The following RNF150 variants were observed in gnomAD, a reference collection of about 807,000 sequenced individuals.
RNF150 encodes the protein ring finger protein 150.
Under a neutral mutation model 39.3 loss-of-function variants are expected in RNF150, and 24 were observed. That is an observed-to-expected ratio of 0.61 (90% CI 0.44 to 0.86). RNF150 has a LOEUF of 0.86. Among genes scored for constraint, RNF150 ranks in the 40% least tolerant of loss-of-function variants. The probability of loss-of-function intolerance (pLI) is 0.00; values close to 1 mark genes in which losing one functional copy is unlikely to be tolerated. For missense variants in RNF150, 502 were observed against 587.8 expected, an observed-to-expected ratio of 0.85 and a Z score of 1.51; for synonymous variants, 255 against 227.3, an observed-to-expected ratio of 1.12 and a Z score of -1.10.
intron 1 of RNF150, among the ~76,000 whole-genome samples, chr4:141,159,811 T>C (rs1727480089): frequency 6.6e-6 from 1 of 152,196 alleles, no homozygotes; most frequent in Admixed American, 6.5e-5. Flanking sequence ...CCCAAAGTGT[T>C]GGGATTACAG....
chr4:140,938,435 G>A lies in RNF150; in HGVS notation c.890+9219C>T, dbSNP rs1731945719. Among the ~76,000 whole-genome samples, 4 of 152,114 alleles carry A rather than the reference G, an allele frequency of 2.6e-5. No homozygotes were observed. The South Asian group carries it at 6.2e-4, about 24-fold the overall frequency. ...AGAGTCCAACTTTGATTTTGCCTCGGTTGTCATTAAGGATCCAAGATATGA... is the reference window on the plus strand; with the variant it reads ...AGAGTCCAACTTTGATTTTGCCTCGATTGTCATTAAGGATCCAAGATATGA... On this transcript the variant is annotated intron_variant, in intron 4 of 6. Transcript: ENST00000515673.
chr4:141,206,737 A>C (rs1205603671), intron 1 of RNF150, among the ~76,000 whole-genome samples: 1 of 151,754 alleles, frequency 6.6e-6, no homozygotes, highest in Non-Finnish European at 1.5e-5. Flanking sequence ...TATGAAAGTG[A>C]GTTTATTTGG....
intron 5 of RNF150, among the ~76,000 whole-genome samples, chr4:140,919,687 C>T (rs72615905): frequency 0.98 from 148,319 of 150,620 alleles, 73,078 homozygotes; most frequent in East Asian, 1. Context: ...AAAAAACTAC[C>T]TTAAAGTTCA....
intron 5 of RNF150, 140 bp downstream of exon 5, chr4:140,925,837 C>A: frequency 3.1e-6 from 2 of 640,570 alleles, no homozygotes; most frequent in South Asian, 3.9e-5. Flanking sequence ...CATAGGAGTT[C>A]TCTTGGAGCC....
At chr4:140,907,358 T>A (rs900961683) in intron 6 of RNF150, among the ~76,000 whole-genome samples, 19 of 152,246 alleles carry the variant, frequency 1.2e-4, no homozygotes, top group Non-Finnish European at 2.8e-4. Context: ...ATCTTTCTTC[T>A]AATGTCAGAC....
chr4:141,118,182 A>G (rs899281605), intron 1 of RNF150, among the ~76,000 whole-genome samples: 1 of 152,066 alleles, frequency 6.6e-6, no homozygotes, highest in African/African-American at 2.4e-5. Flanking sequence ...ACTCATGAAT[A>G]CTGAGGCATG....
At chr4:141,124,972 C>T (rs372444978) in intron 1 of RNF150, among the ~76,000 whole-genome samples, 12 of 152,158 alleles carry the variant, frequency 7.9e-5, no homozygotes, top group South Asian at 6.2e-4. Flanking sequence ...CTCTGACAAA[C>T]GACACTTACT....
chr4:141,096,966 C>G (rs1425573620), intron 1 of RNF150, among the ~76,000 whole-genome samples: 1 of 152,202 alleles, frequency 6.6e-6, no homozygotes, highest in African/African-American at 2.4e-5. Context: ...TTATATGGGA[C>G]TTGATATTCT....
chr4:141,002,718 T>C (rs1017390160), intron 1 of RNF150, among the ~76,000 whole-genome samples: 4 of 152,166 alleles, frequency 2.6e-5, no homozygotes, highest in Non-Finnish European at 5.9e-5. Flanking sequence ...AAGCCAGATA[T>C]AGTGCAGAAG....
intron 1 of RNF150, among the ~76,000 whole-genome samples, chr4:141,185,664 G>GT (rs752388359): frequency 1.3e-5 from 2 of 152,112 alleles, no homozygotes; most frequent in Non-Finnish European, 2.9e-5. Context: ...TTGGCTGTGG[G>GT]TTTGTCATAA....
intron 1 of RNF150, among the ~76,000 whole-genome samples, chr4:140,973,292 C>A (rs1733533303): frequency 6.6e-6 from 1 of 152,160 alleles, no homozygotes. Context: ...TTTACTTTTA[C>A]TAAGAATTGA....
At chr4:141,185,338 A>C (rs1283676326) in intron 1 of RNF150, among the ~76,000 whole-genome samples, 2 of 152,020 alleles carry the variant, frequency 1.3e-5, no homozygotes, top group Non-Finnish European at 2.9e-5. Flanking sequence ...CTTGTCTATT[A>C]TTGGTTTATA....
At chr4:141,020,020 C>T (rs1050122837) in intron 1 of RNF150, among the ~76,000 whole-genome samples, 1 of 152,068 alleles carries the variant, frequency 6.6e-6, no homozygotes, top group African/African-American at 2.4e-5. Context: ...TGTTTCTCTA[C>T]AGTCTCATGT....
intron 1 of RNF150, among the ~76,000 whole-genome samples, chr4:141,027,848 A>AT (rs2110811071): frequency 7.1e-6 from 1 of 140,836 alleles, no homozygotes; most frequent in East Asian, 2.1e-4. Flanking sequence ...TTTAACATTG[A>AT]TTTTCAATCT....
chr4:141,026,934 G>A (rs566017856), intron 1 of RNF150, among the ~76,000 whole-genome samples: 2 of 152,200 alleles, frequency 1.3e-5, no homozygotes, highest in Non-Finnish European at 2.9e-5. Context: ...CAGGGGGAGT[G>A]AGGAGTAATG....
chr4:141,083,677 A>G (rs1308491433), intron 1 of RNF150, among the ~76,000 whole-genome samples: 3 of 152,056 alleles, frequency 2.0e-5, no homozygotes, highest in African/African-American at 7.2e-5. Context: ...CAAAAAAAAA[A>G]CCTCTGAGAA....
chr4:140,878,164 G>GTTTTTTTT (rs58338048), intron 6 of RNF150, among the ~76,000 whole-genome samples: 1 of 90,504 alleles, frequency 1.1e-5, no homozygotes, highest in African/African-American at 4.0e-5. Flanking sequence ...ATCTCATTGT[G>GTTTTTTTT]TTTTTTTTTT....
At chr4:140,875,062 A>G (rs1729096467) in intron 6 of RNF150, among the ~76,000 whole-genome samples, 1 of 152,172 alleles carries the variant, frequency 6.6e-6, no homozygotes, top group South Asian at 2.1e-4. Context: ...AGGCTCAAAA[A>G]GGTTTAAAAT....
At chr4:141,155,089 A>G (rs1168247222) in intron 1 of RNF150, among the ~76,000 whole-genome samples, 2 of 150,104 alleles carry the variant, frequency 1.3e-5, no homozygotes, top group African/African-American at 2.4e-5. Flanking sequence ...TTTATGTTTT[A>G]TTTTATTTTA....
Sources: allele counts gnomAD v4.1 joint callset (sites outside exome capture counted in the v4.1 genomes callset), GRCh38; gene constraint gnomAD v4.1.1; transcripts MANE v1.5; gene names NCBI Gene and HGNC (gene_info 2026-07-23, HGNC 2026-07-21).